The following TENM3 variants were observed in gnomAD, a reference collection of about 807,000 sequenced individuals.
The protein encoded by TENM3 is teneurin transmembrane protein 3.
TENM3 carries 63 observed loss-of-function variants against 255.1 expected under a neutral mutation model. That is an observed-to-expected ratio of 0.25 (90% CI 0.20 to 0.30). TENM3 has a LOEUF of 0.30. Among genes scored for constraint, TENM3 ranks in the 10% least tolerant of loss-of-function variants. TENM3 has a pLI of 1.00. For synonymous variants in TENM3, 1,306 were observed against 1,322.3 expected (o/e 0.99, Z 0.27); for missense variants, 2,929 against 3,461.1 (o/e 0.85, Z 3.86).
intron 17 of TENM3, among the ~76,000 whole-genome samples, chr4:182,737,529 G>GT (rs1761258665): frequency 6.6e-6 from 1 of 152,150 alleles, no homozygotes; most frequent in African/African-American, 2.4e-5. Flanking sequence ...TACATCAGCT[G>GT]TTTTCACTAG....
the TENM3 span, among the ~76,000 whole-genome samples, chr4:181,711,831 T>C: frequency 6.6e-6 from 1 of 152,190 alleles, no homozygotes; most frequent in Non-Finnish European, 1.5e-5. Context: ...TGCCTTTGTT[T>C]GACCAGCTGT....
intron 22 of TENM3, among the ~76,000 whole-genome samples, chr4:182,772,227 AAAAC>A (rs1439752777): frequency 1.3e-5 from 2 of 151,804 alleles, no homozygotes; most frequent in Non-Finnish European, 2.9e-5. Flanking sequence ...TGAAATTGAA[AAAAC>A]AAACAAAACA....
At chr4:182,057,524 C>A in the TENM3 span, among the ~76,000 whole-genome samples, 16 of 151,490 alleles carry the variant, frequency 1.1e-4, no homozygotes, top group Middle Eastern at 3.4e-3. Flanking sequence ...GATCCTCCTG[C>A]CTGAGCCTCC....
At chr4:182,705,461 A>G (rs974346664) in intron 12 of TENM3, among the ~76,000 whole-genome samples, 1 of 152,222 alleles carries the variant, frequency 6.6e-6, no homozygotes, top group African/African-American at 2.4e-5. Flanking sequence ...ATACGGTACT[A>G]TTTAATATGC....
At chr4:181,827,443 G>A in the TENM3 span, among the ~76,000 whole-genome samples, 4 of 152,140 alleles carry the variant, frequency 2.6e-5, no homozygotes, top group African/African-American at 9.7e-5. Context: ...GTGTACCACC[G>A]GAGGAGCCTA....
At chr4:182,592,300 G>T (rs1746740796) in intron 3 of TENM3, among the ~76,000 whole-genome samples, 1 of 152,144 alleles carries the variant, frequency 6.6e-6, no homozygotes, top group Non-Finnish European at 1.5e-5. Flanking sequence ...CACAGAGTTA[G>T]TCGATAATGA....
the TENM3 span, among the ~76,000 whole-genome samples, chr4:181,926,482 A>G: frequency 2.6e-5 from 4 of 152,140 alleles, no homozygotes; most frequent in South Asian, 8.3e-4. Flanking sequence ...TAGATCATTG[A>G]AGAAAATTGA....
intron 1 of TENM3, among the ~76,000 whole-genome samples, chr4:182,297,138 C>T (rs182877978): frequency 6.6e-6 from 1 of 152,294 alleles, no homozygotes; most frequent in Admixed American, 6.5e-5. Flanking sequence ...AGCACCATGC[C>T]TGGCTACAGT....
At chr4:181,555,482 T>C in the TENM3 span, among the ~76,000 whole-genome samples, 5 of 152,200 alleles carry the variant, frequency 3.3e-5, no homozygotes, top group Non-Finnish European at 7.3e-5. Context: ...CCAATTTAAA[T>C]AACTCAACAA....
intron 1 of TENM3, among the ~76,000 whole-genome samples, chr4:182,312,466 G>T (rs1016778988): frequency 6.6e-6 from 1 of 152,200 alleles, no homozygotes; most frequent in Non-Finnish European, 1.5e-5. Context: ...GCCGAAGATG[G>T]AATGACCTAC....
chr4:182,303,324 C>T (rs1298774147), intron 1 of TENM3, among the ~76,000 whole-genome samples: 5 of 152,126 alleles, frequency 3.3e-5, no homozygotes, highest in African/African-American at 1.2e-4. Context: ...GGTTACTGTG[C>T]TGGGACGTGC....
chr4:181,457,025 T>G, the TENM3 span, among the ~76,000 whole-genome samples: 1 of 151,878 alleles, frequency 6.6e-6, no homozygotes, highest in African/African-American at 2.4e-5. Flanking sequence ...CCAGGAAGTC[T>G]TCCTCTAGAG....
chr4:181,739,125 A>C, the TENM3 span, among the ~76,000 whole-genome samples: 11 of 152,208 alleles, frequency 7.2e-5, no homozygotes, highest in African/African-American at 2.7e-4. Context: ...GCCTGGAACA[A>C]AACGCCAGCC....
At chr4:182,588,029 T>G (rs776134056) in intron 3 of TENM3, among the ~76,000 whole-genome samples, 1 of 152,162 alleles carries the variant, frequency 6.6e-6, no homozygotes, top group South Asian at 2.1e-4. Context: ...TTAAATGTTT[T>G]ATATGTATAA....
At chr4:182,738,795 A>G (rs907338936) in intron 18 of TENM3, among the ~76,000 whole-genome samples, 14 of 152,222 alleles carry the variant, frequency 9.2e-5, no homozygotes, top group African/African-American at 2.9e-4. Flanking sequence ...TCCCATTAGA[A>G]TGTGAAAGAC....
At chr4:182,770,600 CG>C (rs1355537941) in intron 22 of TENM3, among the ~76,000 whole-genome samples, 2 of 152,168 alleles carry the variant, frequency 1.3e-5, no homozygotes, top group African/African-American at 4.8e-5. Context: ...AGTTCTATTC[CG>C]GGACCTGGCC....
intron 3 of TENM3, among the ~76,000 whole-genome samples, chr4:182,373,488 T>C (rs1404299299): frequency 1.3e-5 from 2 of 152,114 alleles, no homozygotes; most frequent in African/African-American, 4.8e-5. Flanking sequence ...AGTTGAAGTG[T>C]CACATGGCAA....
the TENM3 span, among the ~76,000 whole-genome samples, chr4:181,684,877 C>T: frequency 6.6e-6 from 1 of 150,788 alleles, no homozygotes; most frequent in South Asian, 2.1e-4. Context: ...CACTCAGCCT[C>T]CCAGATAGCT....
At chr4:181,610,312 G>A in the TENM3 span, among the ~76,000 whole-genome samples, 1 of 152,132 alleles carries the variant, frequency 6.6e-6, no homozygotes, top group East Asian at 1.9e-4. Flanking sequence ...TCATTTGTGA[G>A]GCGTGTATAA....
Sources: gnomAD v4.1 joint callset for allele counts (sites outside exome capture counted in the v4.1 genomes callset) on GRCh38, gnomAD v4.1.1 for gene constraint, MANE v1.5 for transcripts, NCBI Gene and HGNC (gene_info 2026-07-23, HGNC 2026-07-21) for gene names.